TUBGCP3: variants seen among roughly 807,000 people sequenced by gnomAD.
TUBGCP3 encodes gamma-tubulin complex component 3.
A neutral mutation model predicts 123.1 loss-of-function variants in TUBGCP3; 50 were observed. The ratio of observed to expected loss-of-function variants is 0.41; its 90% CI spans 0.32 to 0.51. TUBGCP3 has a LOEUF of 0.51. Among genes scored for constraint, TUBGCP3 ranks in the 20% least tolerant of loss-of-function variants. The pLI, the probability that TUBGCP3 is intolerant of heterozygous loss-of-function variation, is 0.36. For synonymous variants in TUBGCP3, 405 were observed against 413.9 expected (o/e 0.98, Z 0.26); for missense variants, 882 against 1,127.0 (o/e 0.78, Z 3.11).
intron 11 of TUBGCP3, among the ~76,000 whole-genome samples, chr13:112,534,006 T>C (rs753731830): frequency 7.2e-5 from 11 of 152,094 alleles, no homozygotes; most frequent in Non-Finnish European, 1.2e-4. Context: ...GAGCCTGCAC[T>C]ACTGCACAGA....
At chr13:112,515,685 A>G (rs1289832765) in intron 17 of TUBGCP3, among the ~76,000 whole-genome samples, 2 of 152,068 alleles carry the variant, frequency 1.3e-5, no homozygotes, top group Admixed American at 6.6e-5. Flanking sequence ...TTCACTTCCC[A>G]CTATAGTCAA....
chr13:112,547,578 CGCGCGT>C (rs779786085), intron 10 of TUBGCP3, 36 bp downstream of exon 10: 4 of 1,434,232 alleles, frequency 2.8e-6, no homozygotes, highest in Non-Finnish European at 2.8e-6. Flanking sequence ...GTGGGAAAGT[CGCGCGT>C]GGGAAAGACG....
chr13:112,564,221 T>G (rs1047468315), intron 3 of TUBGCP3, among the ~76,000 whole-genome samples: 5 of 152,118 alleles, frequency 3.3e-5, no homozygotes, highest in African/African-American at 1.2e-4. Context: ...AGTCAAACAA[T>G]TAAGGAATCA....
intron 1 of TUBGCP3, 103 bp downstream of exon 1, chr13:112,587,802 C>T: frequency 9.3e-7 from 1 of 1,072,098 alleles, no homozygotes; most frequent in African/African-American, 1.7e-5. Context: ...TCTGCCCGGC[C>T]CTGCATCCTC....
chr13:112,565,244 T>C, intron 2 of TUBGCP3, 66 bp from the exon 3 acceptor site: 1 of 1,383,310 alleles, frequency 7.2e-7, no homozygotes, highest in Non-Finnish European at 1.0e-6. Context: ...TATGATACTA[T>C]TTCACCTACA....
chr13:112,536,653 TGTG>T lies in TUBGCP3; in HGVS notation c.1335+9043_1335+9045del, dbSNP rs1194547991. ...TGTTATTGAGCTTGTATCCTGCCAA[TGTG>T]GTGAACTTATACATTAGACAGCTAT... On this transcript the variant is annotated intron_variant, in intron 11 of 21. Transcript: ENST00000261965. Among the ~76,000 whole-genome samples, 6 of 152,362 alleles carry T rather than the reference TGTG, an allele frequency of 3.9e-5. No individual in the cohort carries two copies. The East Asian group carries it at 1.2e-3, about 29-fold the overall frequency.
chr13:112,565,073 A>G, intron 3 of TUBGCP3, 38 bp downstream of exon 3: 1 of 1,585,612 alleles, frequency 6.3e-7, no homozygotes, highest in Non-Finnish European at 8.6e-7. Context: ...CATATCCTCA[A>G]CAATGAGTGC....
In TUBGCP3 at chr13:112,495,131, T is replaced by C. The variant is rs142048785; in HGVS notation, c.2448+3914A>G. 1.2e-4 allele frequency among the ~76,000 whole-genome samples: 19 copies of C among 152,306 alleles called. 1 individual carries two copies. The highest frequency in any genetic ancestry group is 4.3e-4 in the African/African-American group (18 of 41,560). On this transcript the variant is annotated intron_variant, in intron 20 of 21. Coordinates refer to ENST00000261965, the MANE Select transcript of TUBGCP3 (RefSeq NM_006322.6). ...GCTTGCAGAGTATTACTCAAGACAT[T>C]TTGCCCAGACCAATGTCCTAGAGTT...
chr13:112,523,532 G>A (rs1040777154), intron 13 of TUBGCP3, among the ~76,000 whole-genome samples: 8 of 152,166 alleles, frequency 5.3e-5, no homozygotes, highest in African/African-American at 1.4e-4. Flanking sequence ...ACGACACCAC[G>A]GAACCCCTTG....
At chr13:112,516,925 T>C (rs1403684680) in intron 16 of TUBGCP3, among the ~76,000 whole-genome samples, 2 of 152,162 alleles carry the variant, frequency 1.3e-5, no homozygotes, top group African/African-American at 2.4e-5. Context: ...CTAAGGGTGG[T>C]GAATCTCATG....
At chr13:112,530,211 C>T (rs1263655607) in intron 11 of TUBGCP3, among the ~76,000 whole-genome samples, 1 of 152,120 alleles carries the variant, frequency 6.6e-6, no homozygotes, top group Non-Finnish European at 1.5e-5. Flanking sequence ...TATGAATAAA[C>T]TCTAAATAAA....
rs926828268 is a variant in TUBGCP3 at position 112,544,191 on chromosome 13, C to T, written c.1335+1508G>A. Among the ~76,000 whole-genome samples the T allele has an allele frequency of 1.6e-4, 25 of 152,236 alleles. 1 individual carries two copies. Among genetic ancestry groups the T allele is most frequent in the South Asian group, 8.3e-4 (4 of 4,830 alleles). ...CCCACAGGCCGGGCGCAGTGGCTCA[C>T]GCCTGTAATCCCAGCACTTTGGGAG... On this transcript the variant is annotated intron_variant, in intron 11 of 21. Coordinates refer to ENST00000261965, the MANE Select transcript of TUBGCP3 (RefSeq NM_006322.6).
At chr13:112,537,839 T>C (rs987792561) in intron 11 of TUBGCP3, among the ~76,000 whole-genome samples, 2 of 152,254 alleles carry the variant, frequency 1.3e-5, no homozygotes, top group Admixed American at 6.5e-5. Context: ...ATTCAGGTTT[T>C]CTATTTCTTT....
intron 1 of TUBGCP3, among the ~76,000 whole-genome samples, chr13:112,584,376 G>A (rs185517787): frequency 1.3e-5 from 2 of 152,284 alleles, no homozygotes; most frequent in South Asian, 2.1e-4. Context: ...TTGAAACAAA[G>A]CCTGAAACTC....
intron 1 of TUBGCP3, among the ~76,000 whole-genome samples, chr13:112,584,741 GA>G (rs1481027795): frequency 6.6e-6 from 1 of 152,148 alleles, no homozygotes; most frequent in Non-Finnish European, 1.5e-5. Context: ...CTCATAGTTA[GA>G]AAAAGGATTA....
At chr13:112,563,838 G>A (rs1371974520) in intron 3 of TUBGCP3, among the ~76,000 whole-genome samples, 1 of 151,118 alleles carries the variant, frequency 6.6e-6, no homozygotes, top group East Asian at 1.9e-4. Flanking sequence ...TTGCGCCACT[G>A]CACTCCAGCC....
At chr13:112,536,990 G>A (rs2139131347) in intron 11 of TUBGCP3, among the ~76,000 whole-genome samples, 2 of 152,078 alleles carry the variant, frequency 1.3e-5, no homozygotes, top group South Asian at 4.2e-4. Flanking sequence ...TGCCCAGACT[G>A]GTCTCAAACT....
At chr13:112,543,040 C>T (rs1313978518) in intron 11 of TUBGCP3, among the ~76,000 whole-genome samples, 6 of 152,150 alleles carry the variant, frequency 3.9e-5, no homozygotes, top group African/African-American at 1.4e-4. Context: ...GTTCCAGCTA[C>T]TTGGGAGGCT....
chr13:112,485,740 G>A lies in TUBGCP3; in HGVS notation c.*253C>T, dbSNP rs1490935810. The A allele has an allele frequency of 3.6e-5, 15 of 415,246 alleles. No homozygotes were observed. The highest frequency in any genetic ancestry group is 6.2e-4 in the Middle Eastern group (1 of 1,624). 25.7% of individuals were successfully genotyped at this position (415,246 alleles called of 1,614,324 possible). On this transcript the variant is annotated 3_prime_UTR_variant, in exon 22 of 22. Transcript: ENST00000261965. ...TCAGCAAATTATGGTATCTTTTAGC[G>A]ATGAAGACTTTTAGAGACAAATGTG...
Sources: allele counts gnomAD v4.1 joint callset (sites outside exome capture counted in the v4.1 genomes callset), GRCh38; gene constraint gnomAD v4.1.1; transcripts MANE v1.5; gene names NCBI Gene and HGNC (gene_info 2026-07-23, HGNC 2026-07-21).